TBC1D22A: variants seen among roughly 807,000 people sequenced by gnomAD.
TBC1D22A encodes the protein TBC1 domain family member 22A.
In TBC1D22A, 38 loss-of-function variants were observed where a neutral mutation model predicts 60.2. The ratio of observed to expected loss-of-function variants is 0.63; its 90% confidence interval spans 0.49 to 0.83. The LOEUF (loss-of-function observed/expected upper bound fraction) is 0.83, where lower values mean the gene tolerates loss of function less well. Among genes scored for constraint, TBC1D22A ranks in the 40% least tolerant of loss-of-function variants. The pLI is 0.00. For missense variants in TBC1D22A, 628 were observed against 701.0 expected (o/e 0.90, Z 1.18); for synonymous variants, 302 against 281.7 (o/e 1.07, Z -0.72).
intron 1 of TBC1D22A, among the ~76,000 whole-genome samples, chr22:46,788,182 C>T (rs995023550): frequency 5.9e-5 from 9 of 151,992 alleles, no homozygotes; most frequent in African/African-American, 1.2e-4. Context: ...GTGATCCACC[C>T]GCCTCGGCCT....
rs547866184 is a variant in TBC1D22A, at chr22:46,971,904, C to T, written c.1016-2386C>T. On this transcript the variant is annotated intron_variant, in intron 8 of 12. Coordinates refer to ENST00000337137, the MANE Select transcript of TBC1D22A (RefSeq NM_014346.5). Reference sequence around the variant, plus strand: ...AGTTTTGAGACCAGACACCTTGCCACTTGCTGGAGGGAGAGCCTGCAGCCC... The same window carrying T: ...AGTTTTGAGACCAGACACCTTGCCATTTGCTGGAGGGAGAGCCTGCAGCCC... 2.6e-5 allele frequency among the ~76,000 whole-genome samples: 4 copies of T among 152,342 alleles called. No individual in the cohort carries two copies. The East Asian group carries it at 5.8e-4, about 22-fold the overall frequency.
At chr22:47,124,919 C>T (rs563210192) in intron 12 of TBC1D22A, among the ~76,000 whole-genome samples, 17 of 152,148 alleles carry the variant, frequency 1.1e-4, no homozygotes, top group African/African-American at 3.6e-4. Context: ...ATGGTGCCTG[C>T]AGAGATTGGG....
intron 9 of TBC1D22A, among the ~76,000 whole-genome samples, chr22:46,978,339 A>T (rs1299283906): frequency 6.6e-6 from 1 of 152,190 alleles, no homozygotes; most frequent in Non-Finnish European, 1.5e-5. Context: ...AATATTTAGT[A>T]ATTTATTTAA....
chr22:47,074,497 C>T (rs2064124905), intron 11 of TBC1D22A, among the ~76,000 whole-genome samples: 1 of 152,206 alleles, frequency 6.6e-6, no homozygotes, highest in Non-Finnish European at 1.5e-5. Flanking sequence ...GAGAAATAGG[C>T]TTATTTAGGA....
At chr22:46,878,614 G>A in intron 4 of TBC1D22A, 39 bp from the exon 5 acceptor site, 1 of 1,604,010 alleles carries the variant, frequency 6.2e-7, no homozygotes, top group Non-Finnish European at 8.5e-7. Context: ...CTAACCTTTT[G>A]CAAATCTTGT....
chr22:47,064,540 C>T (rs186610934), intron 11 of TBC1D22A, among the ~76,000 whole-genome samples: 21 of 152,336 alleles, frequency 1.4e-4, no homozygotes, highest in South Asian at 2.1e-4. Flanking sequence ...CTTACTGCTG[C>T]GAATGCACTG....
chr22:46,764,679 T>TA, intron 1 of TBC1D22A, among the ~76,000 whole-genome samples: 1 of 152,270 alleles, frequency 6.6e-6, no homozygotes, highest in African/African-American at 2.4e-5. Context: ...GTTCGTCAAC[T>TA]AGTATTTTTA....
chr22:47,118,595 T>TA (rs1265378687), intron 12 of TBC1D22A, among the ~76,000 whole-genome samples: 2 of 152,050 alleles, frequency 1.3e-5, no homozygotes, highest in African/African-American at 4.8e-5. Flanking sequence ...AAAGACAACT[T>TA]ATGATAAAGA....
Position 46,777,754 on chromosome 22 carries a change from G to A in TBC1D22A, c.63-14766G>A, listed in dbSNP as rs1366689688. On this transcript the variant is annotated intron_variant, in intron 1 of 12. Transcript: ENST00000337137. The surrounding 1 kb of genome is among the most constrained non-coding windows in gnomAD (Gnocchi z 4.5). Reference sequence around the variant, plus strand: ...GAAGGAGAGAGGGGAAATGGGCCTCGGTGATGGCTGGCTGCCAGGGTGGCG... The same window carrying A: ...GAAGGAGAGAGGGGAAATGGGCCTCAGTGATGGCTGGCTGCCAGGGTGGCG... 2.0e-5 allele frequency among the ~76,000 whole-genome samples: 3 copies of A among 152,210 alleles called. No homozygotes were observed. Among genetic ancestry groups the A allele is most frequent in the Admixed American group, 2.0e-4 (3 of 15,282 alleles).
At chr22:47,068,280 G>A (rs966108418) in intron 11 of TBC1D22A, among the ~76,000 whole-genome samples, 2 of 152,220 alleles carry the variant, frequency 1.3e-5, no homozygotes, top group African/African-American at 4.8e-5. Flanking sequence ...CCTCTCTGCC[G>A]GCATCATTGG....
intron 4 of TBC1D22A, among the ~76,000 whole-genome samples, chr22:46,846,469 G>A (rs1299672278): frequency 6.6e-6 from 1 of 152,186 alleles, no homozygotes; most frequent in Non-Finnish European, 1.5e-5. Flanking sequence ...TTCTTTTCCA[G>A]AAGAGGGAAA....
chr22:46,894,895 GC>G, intron 7 of TBC1D22A, 49 bp downstream of exon 7: 1 of 1,598,926 alleles, frequency 6.3e-7, no homozygotes, highest in Non-Finnish European at 8.6e-7. Context: ...AGTGGCTGAT[GC>G]CCACTGTGCT....
intron 7 of TBC1D22A, among the ~76,000 whole-genome samples, chr22:46,904,474 A>T (rs1460681679): frequency 2.0e-5 from 3 of 146,894 alleles, no homozygotes; most frequent in Non-Finnish European, 3.0e-5. Flanking sequence ...TGAAAAACGA[A>T]TTTTTTTTTT....
intron 5 of TBC1D22A, 43 bp from the exon 6 acceptor site, chr22:46,891,223 A>G: frequency 1.3e-6 from 2 of 1,550,314 alleles, no homozygotes; most frequent in Non-Finnish European, 1.7e-6. Context: ...GACTCCATGA[A>G]TTAGCTATAA....
chr22:47,111,896 C>T (rs1253888006), intron 12 of TBC1D22A, among the ~76,000 whole-genome samples: 1 of 152,198 alleles, frequency 6.6e-6, no homozygotes, highest in East Asian at 1.9e-4. Context: ...GCAGCACGAC[C>T]CCTGCAGTGT....
intron 12 of TBC1D22A, among the ~76,000 whole-genome samples, chr22:47,171,767 A>G (rs1001447539): frequency 1.3e-5 from 2 of 152,130 alleles, no homozygotes; most frequent in Admixed American, 1.3e-4. Context: ...TCCCCCGAGG[A>G]CCTGTGCTTT....
rs540147061 is a variant in TBC1D22A at position 46,876,906 on chromosome 22, G to A, written c.638-1747G>A. 3.3e-5 allele frequency among the ~76,000 whole-genome samples: 5 copies of A among 152,302 alleles called. No individual in the cohort carries two copies. In the South Asian group the frequency reaches 1.0e-3, roughly 32 times the overall value. ...AGGATGGTCATGTGGCTTCCCTGTCGACCCCATTCAGCATGTGGGTAAAGC... is the reference window on the plus strand; with the variant it reads ...AGGATGGTCATGTGGCTTCCCTGTCAACCCCATTCAGCATGTGGGTAAAGC... On this transcript the variant is annotated intron_variant, in intron 4 of 12. Coordinates refer to ENST00000337137, the MANE Select transcript of TBC1D22A (RefSeq NM_014346.5).
chr22:47,095,947 A>G (rs555122976), intron 11 of TBC1D22A, among the ~76,000 whole-genome samples: 21 of 152,350 alleles, frequency 1.4e-4, no homozygotes, highest in Admixed American at 2.6e-4. Context: ...GCTGAGTCAT[A>G]TGGATGAGAG....
chr22:46,936,982 A>C (rs1247186811), intron 8 of TBC1D22A, among the ~76,000 whole-genome samples: 4 of 151,724 alleles, frequency 2.6e-5, no homozygotes, highest in African/African-American at 9.7e-5. Context: ...GACAGTCATC[A>C]TGCTTGGCTT....
Sources: gnomAD v4.1 joint callset for allele counts (sites outside exome capture counted in the v4.1 genomes callset) on GRCh38, gnomAD v4.1.1 for gene constraint, Gnocchi (gnomAD v3.1) non-coding constraint, MANE v1.5 for transcripts, NCBI Gene and HGNC (gene_info 2026-07-23, HGNC 2026-07-21) for gene names.